HID1: variants seen among roughly 807,000 people sequenced by gnomAD.
HID1 encodes the protein HID1 domain containing, also known as protein HID1.
HID1 carries 42 observed loss-of-function variants against 89.7 expected under a neutral mutation model. The observed-to-expected ratio is 0.47, with a 90% CI of 0.37 to 0.61. HID1 has a LOEUF of 0.61. Among genes scored for constraint, HID1 ranks in the 20% least tolerant of loss-of-function variants. The probability of loss-of-function intolerance (pLI) is 0.00; values close to 1 mark genes in which losing one functional copy is unlikely to be tolerated. For synonymous variants in HID1, 442 were observed against 433.8 expected (o/e 1.02, Z -0.24); for missense variants, 854 against 1,039.3 (o/e 0.82, Z 2.45).
At position 74,970,019 on chromosome 17, in the gene HID1, C is replaced by T. The variant is rs576881505; in HGVS notation, c.66+2572G>A. Among the ~76,000 whole-genome samples the T allele has an allele frequency of 2.8e-5, 4 of 145,242 alleles. No individual in the cohort carries two copies. In the East Asian group the frequency reaches 8.3e-4, roughly 30 times the overall value. ...GCAACCTCTGCATCCTGGGGTCAAG[C>T]GATTCTACTGCCTCAGCCTCCCGAG... On this transcript the variant is annotated intron_variant, in intron 1 of 18. Coordinates refer to ENST00000425042, the MANE Select transcript of HID1 (RefSeq NM_030630.3).
At position 74,954,290 on chromosome 17, in the gene HID1, G is replaced by A. The variant is rs757060881; in HGVS notation, c.1712C>T (p.Pro571Leu). 25 of 1,587,652 alleles carry A rather than the reference G, an allele frequency of 1.6e-5. No homozygotes were observed. Among genetic ancestry groups the A allele is most frequent in the Non-Finnish European group, 2.0e-5 (23 of 1,167,842 alleles). ...FHQLANLPTD[P>L]PTIHKALQRR... is the part of the protein sequence containing the mutation. ...CTGCAGGGCCTTGTGAATGGTGGGCGGGTCCGTGGGCAGGTTGGCCAGCTG... is the reference window on the plus strand; with the variant it reads ...CTGCAGGGCCTTGTGAATGGTGGGCAGGTCCGTGGGCAGGTTGGCCAGCTG... Residue 571 changes from proline to leucine, a missense_variant, in exon 14 of 19, where the codon CCG becomes CTG. By Grantham distance (98) the Pro-to-Leu change is moderately conservative. Coordinates refer to ENST00000425042, the MANE Select transcript of HID1 (RefSeq NM_030630.3).
intron 3 of HID1, 68 bp downstream of exon 3, chr17:74,963,672 G>T: frequency 1.4e-6 from 2 of 1,443,200 alleles, no homozygotes; most frequent in Non-Finnish European, 1.9e-6. Flanking sequence ...AGCATGGCCG[G>T]CCCTAAAGGG....
rs1451919449 is a variant in HID1, at chr17:74,958,400, T to C, written c.1319A>G (p.Asn440Ser). ...SGERNFGVRL[N>S]KPYSIRVPMD... Reference sequence around the variant, plus strand: ...GGGCACGCGGATTGAGTAGGGTTTGTTCAGCCGCACCCCGAAGTTCCGCTC... The same window carrying C: ...GGGCACGCGGATTGAGTAGGGTTTGCTCAGCCGCACCCCGAAGTTCCGCTC... Residue 440 changes from asparagine (N) to serine (S), a missense_variant, in exon 11 of 19, where the codon AAC becomes AGC. By Grantham distance (46) the Asn-to-Ser change is conservative (BLOSUM62 1). Transcript: ENST00000425042. This position sits in a 1 kb window ranked among gnomAD's most constrained non-coding sequence, Gnocchi z 5.2. The C allele has an allele frequency of 1.2e-6, 2 of 1,610,676 alleles. No homozygotes were observed. The highest frequency in any genetic ancestry group is 1.7e-6 in the Non-Finnish European group (2 of 1,178,650).
In HID1 at chr17:74,968,818, G is replaced by A. The variant is rs532641538; in HGVS notation, c.66+3773C>T. Among the ~76,000 whole-genome samples the A allele has an allele frequency of 2.6e-5, 4 of 152,336 alleles. No homozygotes were observed. In the South Asian group the frequency reaches 8.3e-4, roughly 32 times the overall value. On this transcript the variant is annotated intron_variant, in intron 1 of 18. Transcript: ENST00000425042. ...ACCCCCTTCAAAGGGCAGAAACTAA[G>A]CACAAGCAGGCATGACCTCTGACCT...
rs2039502532 is a variant in HID1 at position 74,962,782 on chromosome 17, G to T, written c.504+183C>A. 6.6e-6 allele frequency among the ~76,000 whole-genome samples: 1 copy of T among 152,206 alleles called. No individual in the cohort carries two copies. The highest frequency in any genetic ancestry group is 6.5e-5 in the Admixed American group (1 of 15,284). On this transcript the variant is annotated intron_variant, in intron 4 of 18. Transcript: ENST00000425042. The surrounding 1 kb of genome is among the most constrained non-coding windows in gnomAD (Gnocchi z 4.3). ...CATCCGAACGCAGCGGGCAGGGCCA[G>T]CCCCAGCTGGCTTCCCTCAGCTGTA... is the stretch of plus-strand genomic sequence containing the variant.
At position 74,959,494 on chromosome 17, in the gene HID1, G is replaced by C. The variant is rs2039446843; in HGVS notation, c.1008+387C>G. ...TTACTGAGGCCTGCCACTAGCTGGG[G>C]TGAGAAGGCAGCTAGGGTCCTGTGT... On this transcript the variant is annotated intron_variant, in intron 8 of 18. Coordinates refer to ENST00000425042, the MANE Select transcript of HID1 (RefSeq NM_030630.3). This position sits in a 1 kb window ranked among gnomAD's most constrained non-coding sequence, Gnocchi z 4.6. 1.3e-5 allele frequency among the ~76,000 whole-genome samples: 2 copies of C among 152,238 alleles called. No homozygotes were observed. Among genetic ancestry groups the C allele is most frequent in the Admixed American group, 6.5e-5 (1 of 15,294 alleles).
chr17:74,958,513 GGGAGGGGGAA>G lies in HID1; in HGVS notation c.1241-45_1241-36del. The G allele has an allele frequency of 6.4e-7, 1 of 1,574,462 alleles. No homozygotes were observed. Among genetic ancestry groups the G allele is most frequent in the Non-Finnish European group, 8.6e-7 (1 of 1,160,300 alleles). On this transcript the variant is annotated intron_variant, in intron 10 of 18. Transcript: ENST00000425042. The surrounding 1 kb of genome is among the most constrained non-coding windows in gnomAD (Gnocchi z 5.2). ...GTGGCGTGGGAGGGGTCACTCGGGT[GGGAGGGGGAA>G]GGAGGGGCCCAGGCAGTGACCATTT...
intron 6 of HID1, among the ~76,000 whole-genome samples, chr17:74,960,724 G>A (rs2039466577): frequency 6.6e-6 from 1 of 152,232 alleles, no homozygotes; most frequent in East Asian, 1.9e-4. Context: ...GCTGGTGGAG[G>A]GGGTCGCCTG....
At chr17:74,960,913 C>T (rs1420763119) in intron 6 of HID1, among the ~76,000 whole-genome samples, 1 of 152,238 alleles carries the variant, frequency 6.6e-6, no homozygotes, top group Non-Finnish European at 1.5e-5. Flanking sequence ...AAATACTCAA[C>T]TCTGCCACGT....
Position 74,959,493 on chromosome 17 carries a change from G to A in HID1, c.1008+388C>T, listed in dbSNP as rs116742165. Among the ~76,000 whole-genome samples, 376 of 152,204 alleles carry A rather than the reference G, an allele frequency of 2.5e-3. 2 individuals are homozygous for A. The highest frequency in any genetic ancestry group is 8.7e-3 in the African/African-American group (361 of 41,508). Reference sequence around the variant, plus strand: ...TTTACTGAGGCCTGCCACTAGCTGGGGTGAGAAGGCAGCTAGGGTCCTGTG... The same window carrying A: ...TTTACTGAGGCCTGCCACTAGCTGGAGTGAGAAGGCAGCTAGGGTCCTGTG... On this transcript the variant is annotated intron_variant, in intron 8 of 18. Coordinates refer to ENST00000425042, the MANE Select transcript of HID1 (RefSeq NM_030630.3). The surrounding 1 kb of genome is among the most constrained non-coding windows in gnomAD (Gnocchi z 4.6).
chr17:74,968,049 G>A (rs1202037180), intron 1 of HID1: 1 of 152,406 alleles, frequency 6.6e-6, no homozygotes, highest in East Asian at 1.9e-4. Context: ...AGGCTGCAGT[G>A]AGCTGTGATT....
chr17:74,963,973 G>A, intron 2 of HID1, 63 bp from the exon 3 acceptor site: 1 of 1,561,896 alleles, frequency 6.4e-7, no homozygotes, highest in Non-Finnish European at 8.8e-7. Flanking sequence ...TGGCACTTGG[G>A]GTCAGGGTGG....
intron 2 of HID1, 122 bp downstream of exon 2, chr17:74,964,361 G>T: frequency 1.8e-6 from 2 of 1,094,524 alleles, no homozygotes; most frequent in South Asian, 1.6e-5. Context: ...AGAAGTGGAA[G>T]AGCTGAGTGA....
At chr17:74,961,665 G>A (rs2089095328) in intron 6 of HID1, 1 of 346,940 alleles carries the variant, frequency 2.9e-6, no homozygotes, top group Non-Finnish European at 5.2e-6. Flanking sequence ...ACCCAGGGAC[G>A]GATTACTGAG....
At chr17:74,970,259 C>G (rs1036278738) in intron 1 of HID1, among the ~76,000 whole-genome samples, 1 of 152,120 alleles carries the variant, frequency 6.6e-6, no homozygotes, top group Non-Finnish European at 1.5e-5. Flanking sequence ...GGCCCCTGCT[C>G]GGACTAGACC....
Position 74,960,210 on chromosome 17 carries a change from A to G in HID1, c.767T>C (p.Val256Ala). Residue 256 changes from valine to alanine, a missense_variant, in exon 7 of 19, where the codon GTG (valine) becomes GCG (alanine). By Grantham distance (64) the Val-to-Ala change is moderately conservative. Coordinates refer to ENST00000425042, the MANE Select transcript of HID1 (RefSeq NM_030630.3). Reference sequence around the variant, plus strand: ...GTAGCCCACAGGGTCATAGGCACACACGGTGTTGAGGAGGGAGGTGAAGAG... The same window carrying G: ...GTAGCCCACAGGGTCATAGGCACACGCGGTGTTGAGGAGGGAGGTGAAGAG... ...LPLFTSLLNT[V>A]CAYDPVGYGI... 6.2e-7 allele frequency: 1 copy of G among 1,613,150 alleles called. No homozygotes were observed. The highest frequency in any genetic ancestry group is 8.5e-7 in the Non-Finnish European group (1 of 1,180,004).
At chr17:74,961,749 A>C (rs1212101532) in intron 6 of HID1, 124 bp downstream of exon 6, 1 of 496,354 alleles carries the variant, frequency 2.0e-6, no homozygotes, top group African/African-American at 2.0e-5. Context: ...TGGTAAGTTA[A>C]AGTTCATCAC....
At position 74,958,911 on chromosome 17, in the gene HID1, C is replaced by T; in HGVS notation, c.1149G>A (p.Lys383=). The change falls in exon 9 of 19, where the codon AAG becomes AAA. Residue 383 remains lysine (K), a splice_region_variant and synonymous_variant. Transcript: ENST00000425042. This position sits in a 1 kb window ranked among gnomAD's most constrained non-coding sequence, Gnocchi z 5.2. ...VLFWKLCDFN[K]KFLFFVLKSS... The stretch of plus-strand genomic sequence containing the variant: ...GCAGGGCCCCTCGAGGCTGGCCCAC[C>T]TTGTTGAAGTCGCAGAGCTTCCAGA... 1 of 1,589,732 alleles carries T rather than the reference C, an allele frequency of 6.3e-7. No individual in the cohort carries two copies. The highest frequency in any genetic ancestry group is 8.5e-7 in the Non-Finnish European group (1 of 1,170,330).
chr17:74,958,986 C>T lies in HID1; in HGVS notation c.1074G>A (p.Leu358=), dbSNP rs776153405. 9 of 1,604,226 alleles carry T rather than the reference C, an allele frequency of 5.6e-6. No homozygotes were observed. Among genetic ancestry groups the T allele is most frequent in the Non-Finnish European group, 7.6e-6 (9 of 1,176,924 alleles). The change falls in exon 9 of 19, where the codon CTG becomes CTA. Residue 358 remains leucine, a synonymous_variant. Coordinates refer to ENST00000425042, the MANE Select transcript of HID1 (RefSeq NM_030630.3). The surrounding 1 kb of genome is among the most constrained non-coding windows in gnomAD (Gnocchi z 5.2). Reference sequence around the variant, plus strand: ...ACTGGATCTTCTTGGTGGAGTTAGGCAGGTAGGTCTGGAGCAGGGGGTTGG... The same window carrying T: ...ACTGGATCTTCTTGGTGGAGTTAGGTAGGTAGGTCTGGAGCAGGGGGTTGG... ...LLSNPLLQTY[L]PNSTKKIQFH...
Sources: allele counts gnomAD v4.1 joint callset (sites outside exome capture counted in the v4.1 genomes callset), GRCh38; gene constraint gnomAD v4.1.1; non-coding constraint Gnocchi (gnomAD v3.1); transcripts MANE v1.5; gene names NCBI Gene and HGNC (gene_info 2026-07-23, HGNC 2026-07-21).